PCNX2: variants seen among roughly 807,000 people sequenced by gnomAD.
The protein encoded by PCNX2 is pecanex-like protein 2.
A neutral mutation model predicts 223.8 loss-of-function variants in PCNX2; 168 were observed. The observed-to-expected ratio is 0.75, with a 90% CI of 0.66 to 0.85. PCNX2 has a LOEUF of 0.85. PCNX2 is among the 40% of genes least tolerant of loss of function. The pLI, the probability that PCNX2 is intolerant of heterozygous loss-of-function variation, is 0.00. For missense variants in PCNX2, 2,507 were observed against 2,675.5 expected, an observed-to-expected ratio of 0.94 and a Z score of 1.39; for synonymous variants, 1,006 against 1,052.6, an observed-to-expected ratio of 0.96 and a Z score of 0.86.
In PCNX2 at chr1:233,258,643, T is replaced by G; in HGVS notation, c.1219A>C (p.Lys407Gln). 1 of 1,613,930 alleles carries G rather than the reference T, an allele frequency of 6.2e-7. No individual in the cohort carries two copies. Among genetic ancestry groups the G allele is most frequent in the African/African-American group, 1.3e-5 (1 of 75,034 alleles). ...RVVGTEKTSV[K>Q]SDAEPTNPGA... ...GGGTTAGTGGGCTCAGCGTCAGACT[T>G]TACACTGGTCTTCTCTGTGCCAACC... is the stretch of plus-strand genomic sequence containing the variant. Residue 407 changes from lysine to glutamine, a missense_variant, in exon 5 of 34, where the codon AAG (lysine) becomes CAG (glutamine). Lys to Gln is a moderately conservative substitution (Grantham distance 53). Transcript: ENST00000258229.
rs1342395641 is a variant in PCNX2, at chr1:233,090,137, A to G, written c.4000T>C (p.Leu1334=). 1.2e-6 allele frequency: 2 copies of G among 1,613,928 alleles called. No homozygotes were observed. The highest frequency in any genetic ancestry group is 2.2e-5 in the East Asian group (1 of 44,882). ...ATGACACTCCCAAGAAATGGGCTCAATGGGGTAGAAAAGATTGATGTGGCA... is the reference window on the plus strand; with the variant it reads ...ATGACACTCCCAAGAAATGGGCTCAGTGGGGTAGAAAAGATTGATGTGGCA... ...TIATSIFSTP[L]SPFLGSVIFI... The change falls in exon 23 of 34, where the codon TTG becomes CTG. Residue 1334 remains leucine (L), a synonymous_variant. Transcript: ENST00000258229.
At chr1:233,290,357 G>C (rs1363123484) in intron 1 of PCNX2, among the ~76,000 whole-genome samples, 1 of 152,194 alleles carries the variant, frequency 6.6e-6, no homozygotes. Flanking sequence ...AAATAAAGTA[G>C]AATAAGGGAT....
intron 15 of PCNX2, among the ~76,000 whole-genome samples, chr1:233,190,686 T>A (rs1358513389): frequency 6.6e-6 from 1 of 152,196 alleles, no homozygotes; most frequent in Non-Finnish European, 1.5e-5. Context: ...AAAGCCTGTT[T>A]CAACACCTAA....
intron 32 of PCNX2, among the ~76,000 whole-genome samples, chr1:232,988,382 C>T (rs558125579): frequency 3.3e-5 from 5 of 151,992 alleles, no homozygotes; most frequent in South Asian, 2.1e-4. Context: ...AGGACTCCCC[C>T]GCCACCCGAT....
At chr1:233,269,403 A>T (rs1388902298) in intron 1 of PCNX2, among the ~76,000 whole-genome samples, 4 of 152,240 alleles carry the variant, frequency 2.6e-5, no homozygotes, top group Admixed American at 2.6e-4. Context: ...AATAAATGAC[A>T]GCTGAAGTCT....
At chr1:233,123,673 G>C (rs1558254741) in intron 21 of PCNX2, among the ~76,000 whole-genome samples, 1 of 152,122 alleles carries the variant, frequency 6.6e-6, no homozygotes. Context: ...TTAATGACTT[G>C]ATGAAGGCAA....
chr1:233,246,254 A>C (rs1222699294), intron 8 of PCNX2, among the ~76,000 whole-genome samples: 3 of 151,692 alleles, frequency 2.0e-5, no homozygotes, highest in East Asian at 3.9e-4. Flanking sequence ...TTCAGATGGG[A>C]TAAATGCCCT....
At chr1:233,241,301 C>T (rs1658749017) in intron 8 of PCNX2, 1 of 985,322 alleles carries the variant, frequency 1.0e-6, no homozygotes, top group Non-Finnish European at 1.2e-6. Flanking sequence ...GCCACCGGAA[C>T]AGAACCACAC....
intron 17 of PCNX2, among the ~76,000 whole-genome samples, chr1:233,164,624 A>G (rs565571060): frequency 5.8e-4 from 60 of 103,692 alleles, no homozygotes; most frequent in Non-Finnish European, 1.1e-3. Context: ...TATGAAATAT[A>G]TATCATATAT....
chr1:233,189,182 C>T (rs893288642), intron 15 of PCNX2, among the ~76,000 whole-genome samples: 10 of 152,218 alleles, frequency 6.6e-5, no homozygotes, highest in Non-Finnish European at 1.2e-4. Flanking sequence ...ATTAGTCATG[C>T]ACCCTTAGGC....
intron 32 of PCNX2, among the ~76,000 whole-genome samples, chr1:232,987,635 TA>T (rs1571980759): frequency 6.6e-6 from 1 of 152,308 alleles, no homozygotes; most frequent in East Asian, 1.9e-4. Flanking sequence ...CATTATTCAT[TA>T]TGCATCTGGT....
At chr1:232,995,819 C>A (rs1266330711) in intron 32 of PCNX2, among the ~76,000 whole-genome samples, 3 of 152,278 alleles carry the variant, frequency 2.0e-5, no homozygotes, top group East Asian at 3.9e-4. Flanking sequence ...CTCTTCCAGG[C>A]AAGGCCAGTT....
rs1661629837 is a variant in PCNX2, at chr1:233,289,390, CG to C, written c.153+5935del. ...AGAAGAGCCTGGGAGATGCGGGACT[CG>C]AACTCGTCCGGCTTCTCGCCATTAG... On this transcript the variant is annotated intron_variant, in intron 1 of 33. Coordinates refer to ENST00000258229, the MANE Select transcript of PCNX2 (RefSeq NM_014801.4). 58 of 1,374,296 alleles carry C rather than the reference CG, an allele frequency of 4.2e-5. 3 individuals are homozygous for C. In the South Asian group the frequency reaches 6.0e-4, roughly 14 times the overall value. The allele number at this position is 1,374,296 out of a possible 1,614,324, so 85.1% of individuals were successfully genotyped here. A position where few individuals can be genotyped will look rare whatever the true frequency, so the allele number is the denominator to read the frequency against.
intron 12 of PCNX2, among the ~76,000 whole-genome samples, chr1:233,210,250 A>G (rs1681743882): frequency 6.6e-6 from 1 of 152,170 alleles, no homozygotes; most frequent in Non-Finnish European, 1.5e-5. Context: ...CCCAAACCAT[A>G]CTAAGCATTT....
intron 20 of PCNX2, among the ~76,000 whole-genome samples, chr1:233,136,133 T>G (rs1427280126): frequency 2.6e-5 from 4 of 152,234 alleles, no homozygotes; most frequent in Admixed American, 2.6e-4. Flanking sequence ...CCTGGCTTTC[T>G]GAAGACAGAC....
At chr1:233,030,412 T>C (rs1671223222) in intron 25 of PCNX2, among the ~76,000 whole-genome samples, 1 of 152,194 alleles carries the variant, frequency 6.6e-6, no homozygotes, top group African/African-American at 2.4e-5. Context: ...TTTGTATTTA[T>C]AGTTTCATTT....
At position 233,172,435 on chromosome 1, in the gene PCNX2, C is replaced by T. The variant is rs140271111; in HGVS notation, c.3273+5367G>A. The T allele has an allele frequency of 5.0e-4, 494 of 985,404 alleles. 14 individuals carry two copies. In the East Asian group the frequency reaches 0.038, roughly 75 times the overall value. 61.0% of individuals were successfully genotyped at this position (985,404 alleles called of 1,614,324 possible). ...GCTGCAAATCCATGCAAACTTATGACTTCTCAAGGATTCTCTTATTCTGCT... is the reference window on the plus strand; with the variant it reads ...GCTGCAAATCCATGCAAACTTATGATTTCTCAAGGATTCTCTTATTCTGCT... On this transcript the variant is annotated intron_variant, in intron 17 of 33. Transcript: ENST00000258229.
At chr1:233,298,687 G>T (rs1049769843), upstream of PCNX2, among the ~76,000 whole-genome samples, 1 of 152,106 alleles carries the variant, frequency 6.6e-6, no homozygotes, top group Non-Finnish European at 1.5e-5. Flanking sequence ...TCAGGAGTTC[G>T]AGACCAGCCT....
chr1:233,248,942 T>A lies in PCNX2; in HGVS notation c.2222+1797A>T, dbSNP rs546294115. 2.0e-5 allele frequency among the ~76,000 whole-genome samples: 3 copies of A among 152,118 alleles called. No homozygotes were observed. In the East Asian group the frequency reaches 5.8e-4, roughly 29 times the overall value. The stretch of plus-strand genomic sequence containing the variant: ...GGCAGCTGTGGAAATGGAAGGCAGG[T>A]TAAATATAAAAGAGCTGTAATCTGG... On this transcript the variant is annotated intron_variant, in intron 8 of 33. Transcript: ENST00000258229.
Sources: allele counts gnomAD v4.1 joint callset (sites outside exome capture counted in the v4.1 genomes callset), GRCh38; gene constraint gnomAD v4.1.1; transcripts MANE v1.5; gene names NCBI Gene and HGNC (gene_info 2026-07-23, HGNC 2026-07-21).